Variants in AK1 observed in about 807,000 individuals in gnomAD.
AK1 encodes the protein adenylate kinase 1.
AK1 carries 13 observed loss-of-function variants against 23.9 expected under a neutral mutation model. That is an observed-to-expected ratio of 0.54 (90% CI 0.35 to 0.86). The LOEUF (loss-of-function observed/expected upper bound fraction) is 0.86. Ranked by LOEUF, AK1 falls within the 40% of genes least tolerant of loss-of-function variation. The pLI, the probability that AK1 is intolerant of heterozygous loss-of-function variation, is 0.01. For missense variants in AK1, 214 were observed against 255.1 expected (o/e 0.84, Z 1.10); for synonymous variants, 97 against 102.8 (o/e 0.94, Z 0.34).
intron 2 of AK1, 155 bp downstream of exon 2, chr9:127,874,456 C>A (rs1253104389): frequency 4.1e-6 from 4 of 985,248 alleles, no homozygotes; most frequent in African/African-American, 1.7e-5. Flanking sequence ...CCGTGAGAGG[C>A]CAGAGGAGGA....
chr9:127,871,717 G>T lies in AK1; in HGVS notation c.324+106C>A. The stretch of plus-strand genomic sequence containing the variant: ...ACCCACACTCCATGAATCAGCCTCT[G>T]CTCAGAACTCTGACCTGCATCACAG... On this transcript the variant is annotated intron_variant, in intron 5 of 6. Transcript: ENST00000644144. This position sits in a 1 kb window ranked among gnomAD's most constrained non-coding sequence, Gnocchi z 4.4. 2.2e-6 allele frequency: 2 copies of T among 901,568 alleles called. No homozygotes were observed. The highest frequency in any genetic ancestry group is 3.7e-6 in the Non-Finnish European group (2 of 539,660). The allele number at this position is 901,568 out of a possible 1,614,324, so 55.8% of individuals were successfully genotyped here. A position where few individuals can be genotyped will look rare whatever the true frequency, so the allele number is the denominator to read the frequency against.
At chr9:127,876,382 G>A (rs1382525905) in intron 1 of AK1, among the ~76,000 whole-genome samples, 2 of 152,224 alleles carry the variant, frequency 1.3e-5, no homozygotes, top group Non-Finnish European at 2.9e-5. Context: ...GGAGGAAACT[G>A]AGGCATGGGG....
chr9:127,868,142 G>A lies in AK1; in HGVS notation c.517-66C>T. On this transcript the variant is annotated intron_variant, in intron 6 of 6. Coordinates refer to ENST00000644144, the MANE Select transcript of AK1 (RefSeq NM_000476.3). The surrounding 1 kb of genome is among the most constrained non-coding windows in gnomAD (Gnocchi z 4.1). ...AGTGGGGTGGGCCTCACCATGGCAGGCCCCAGAGACCAGGCCTGCCTCCCC... is the reference window on the plus strand; with the variant it reads ...AGTGGGGTGGGCCTCACCATGGCAGACCCCAGAGACCAGGCCTGCCTCCCC... 6.3e-7 allele frequency: 1 copy of A among 1,574,816 alleles called. No individual in the cohort carries two copies. Among genetic ancestry groups the A allele is most frequent in the South Asian group, 1.1e-5 (1 of 90,116 alleles).
chr9:127,874,618 C>A lies in AK1; in HGVS notation c.-1G>T. ...AGGAGAGGAGGCTCATACCTTCCAT[C>A]CTGCCGAGGTCCCGGGAGCCGTGTC... On this transcript the variant is annotated 5_prime_UTR_variant, in exon 2 of 7. Coordinates refer to ENST00000644144, the MANE Select transcript of AK1 (RefSeq NM_000476.3). The A allele has an allele frequency of 1.9e-6, 3 of 1,613,730 alleles. No individual in the cohort carries two copies. Among genetic ancestry groups the A allele is most frequent in the Non-Finnish European group, 2.5e-6 (3 of 1,179,978 alleles).
At position 127,868,210 on chromosome 9, in the gene AK1, G is replaced by A; in HGVS notation, c.516+111C>T. 1.4e-6 allele frequency: 2 copies of A among 1,447,484 alleles called. No homozygotes were observed. The highest frequency in any genetic ancestry group is 1.9e-6 in the Non-Finnish European group (2 of 1,051,154). The allele number at this position is 1,447,484 out of a possible 1,614,324, so 89.7% of individuals were successfully genotyped here. ...CAGCAGCCCCTCATTGAACCAGTGGGGAAACCAAGGCCCAGAGAGAGGGGC... is the reference window on the plus strand; with the variant it reads ...CAGCAGCCCCTCATTGAACCAGTGGAGAAACCAAGGCCCAGAGAGAGGGGC... On this transcript the variant is annotated intron_variant, in intron 6 of 6. Coordinates refer to ENST00000644144, the MANE Select transcript of AK1 (RefSeq NM_000476.3). The surrounding 1 kb of genome is among the most constrained non-coding windows in gnomAD (Gnocchi z 4.1).
At chr9:127,870,556 C>T (rs968556265) in intron 5 of AK1, among the ~76,000 whole-genome samples, 2 of 152,140 alleles carry the variant, frequency 1.3e-5, no homozygotes, top group African/African-American at 4.8e-5. Flanking sequence ...TGGTACCACA[C>T]AGCTGGTATG....
In AK1 at chr9:127,868,521, G is replaced by A. The variant is rs145431113; in HGVS notation, c.325-9C>T. 2.2e-3 allele frequency: 3,467 copies of A among 1,570,652 alleles called. 11 individuals are homozygous for A. Among genetic ancestry groups the A allele is most frequent in the Middle Eastern group, 3.9e-3 (20 of 5,138 alleles). On this transcript the variant is annotated splice_polypyrimidine_tract_variant and intron_variant, in intron 5 of 6. Coordinates refer to ENST00000644144, the MANE Select transcript of AK1 (RefSeq NM_000476.3). The surrounding 1 kb of genome is among the most constrained non-coding windows in gnomAD (Gnocchi z 4.1). ...AGTGTGGGCTGTCCAATCTGCAGGC[G>A]GGCACCATGTCACAGGGACCCCATT...
In AK1 at chr9:127,871,381, C is replaced by T. The variant is rs1290533975; in HGVS notation, c.324+442G>A. Among the ~76,000 whole-genome samples the T allele has an allele frequency of 6.6e-6, 1 of 151,492 alleles. No individual in the cohort carries two copies. Among genetic ancestry groups the T allele is most frequent in the South Asian group, 2.1e-4 (1 of 4,830 alleles). On this transcript the variant is annotated intron_variant, in intron 5 of 6. Coordinates refer to ENST00000644144, the MANE Select transcript of AK1 (RefSeq NM_000476.3). This position sits in a 1 kb window ranked among gnomAD's most constrained non-coding sequence, Gnocchi z 4.4. ...ACATATTCTGTTCTCCCCACACTGG[C>T]CTTGCCTTTCCAGCCCTGCCAGTGC...
In AK1 at chr9:127,868,633, G is replaced by T; in HGVS notation, c.325-121C>A. 1 of 1,212,818 alleles carries T rather than the reference G, an allele frequency of 8.2e-7. No individual in the cohort carries two copies. The highest frequency in any genetic ancestry group is 1.2e-6 in the Non-Finnish European group (1 of 856,608). 75.1% of individuals were successfully genotyped at this position (1,212,818 alleles called of 1,614,324 possible). A position where few individuals can be genotyped will look rare whatever the true frequency, so the allele number is the denominator to read the frequency against. ...CTCAGACCTTCAATCCCTTCCCCAA[G>T]GCAGCCTGAAAGACCTTCCTAAAAC... On this transcript the variant is annotated intron_variant, in intron 5 of 6. Coordinates refer to ENST00000644144, the MANE Select transcript of AK1 (RefSeq NM_000476.3). The surrounding 1 kb of genome is among the most constrained non-coding windows in gnomAD (Gnocchi z 4.1).
chr9:127,868,308 C>T lies in AK1; in HGVS notation c.516+13G>A, dbSNP rs558979180. On this transcript the variant is annotated intron_variant, in intron 6 of 6. Transcript: ENST00000644144. This position sits in a 1 kb window ranked among gnomAD's most constrained non-coding sequence, Gnocchi z 4.1. Reference sequence around the variant, plus strand: ...GTTCTTCCCGGAGCTGCCCCTGGGCCCGCGGGGCCCACCTTGCGCACAATG... The same window carrying T: ...GTTCTTCCCGGAGCTGCCCCTGGGCTCGCGGGGCCCACCTTGCGCACAATG... 6.4e-7 allele frequency: 1 copy of T among 1,564,490 alleles called. No individual in the cohort carries two copies. Among genetic ancestry groups the T allele is most frequent in the Non-Finnish European group, 8.7e-7 (1 of 1,154,506 alleles).
chr9:127,870,322 C>T (rs1281175855), intron 5 of AK1, among the ~76,000 whole-genome samples: 1 of 151,436 alleles, frequency 6.6e-6, no homozygotes, highest in African/African-American at 2.4e-5. Context: ...CGTGTCTCAG[C>T]CTCCTGAGTA....
intron 1 of AK1, among the ~76,000 whole-genome samples, chr9:127,875,249 C>T (rs1216929855): frequency 6.6e-6 from 1 of 152,006 alleles, no homozygotes; most frequent in African/African-American, 2.4e-5. Flanking sequence ...CCTCTACAGG[C>T]CCAACAACCA....
rs1829265683 is a variant in AK1, at chr9:127,867,084, C to T, written c.*924G>A. On this transcript the variant is annotated 3_prime_UTR_variant, in exon 7 of 7. Coordinates refer to ENST00000644144, the MANE Select transcript of AK1 (RefSeq NM_000476.3). ...GGAGTGCAGTGGCGCAATCTTGGCT[C>T]ATTGCAAGCTCCACCTCCCGGGTTC... 1 of 146,642 alleles carries T rather than the reference C, an allele frequency of 6.8e-6. No homozygotes were observed. The highest frequency in any genetic ancestry group is 1.5e-5 in the Non-Finnish European group (1 of 67,426). The allele number at this position is 146,642 out of a possible 1,614,324, so 9.1% of individuals were successfully genotyped here.
chr9:127,873,490 C>T (rs1829467547), intron 2 of AK1: 2 of 1,459,686 alleles, frequency 1.4e-6, no homozygotes, highest in Non-Finnish European at 1.8e-6. Flanking sequence ...TGCCCTTCCC[C>T]TCTCAGGCCC....
chr9:127,871,853 C>T lies in AK1; in HGVS notation c.294G>A (p.Glu98=). The change falls in exon 5 of 7, where the codon GAG becomes GAA. Residue 98 remains glutamate, a synonymous_variant. Transcript: ENST00000644144. This position sits in a 1 kb window ranked among gnomAD's most constrained non-coding sequence, Gnocchi z 4.4. The part of the protein sequence containing the change: ...KGFLIDGYPR[E]VQQGEEFERR... Reference sequence around the variant, plus strand: ...GCTCAAACTCTTCTCCTTGCTGCACCTCCCGCGGGTAGCCATCAATCAGGA... The same window carrying T: ...GCTCAAACTCTTCTCCTTGCTGCACTTCCCGCGGGTAGCCATCAATCAGGA... 1 of 1,614,144 alleles carries T rather than the reference C, an allele frequency of 6.2e-7. No homozygotes were observed.
At chr9:127,873,484 C>T in intron 2 of AK1, 16 of 1,466,940 alleles carry the variant, frequency 1.1e-5, no homozygotes, top group Non-Finnish European at 1.4e-5. Flanking sequence ...GCACCCTGCC[C>T]TTCCCCTCTC....
chr9:127,879,360 C>T (rs1331073560), upstream of AK1, among the ~76,000 whole-genome samples: 1 of 152,032 alleles, frequency 6.6e-6, no homozygotes, highest in African/African-American at 2.4e-5. Context: ...CGCGGTGGCT[C>T]ACACCTGTAA....
intron 1 of AK1, 172 bp from the exon 2 acceptor site, chr9:127,874,821 C>T (rs1010526946): frequency 3.1e-6 from 2 of 646,182 alleles, no homozygotes; most frequent in Non-Finnish European, 5.4e-6. Flanking sequence ...AGAAAGCCAC[C>T]TTGGGAAAGT....
Position 127,871,923 on chromosome 9 carries a change from A to T in AK1, c.224T>A (p.Met75Lys). The change falls in exon 5 of 7, where the codon ATG becomes AAG. Residue 75 changes from methionine (M) to lysine (K), a missense_variant. Met to Lys is a moderately conservative substitution (Grantham distance 95). Transcript: ENST00000644144. The surrounding 1 kb of genome is among the most constrained non-coding windows in gnomAD (Gnocchi z 4.4). ...TTTGGCCACCATGGCATCCCGGAGC[A>T]TGTCCAACACTGTCTCCTGGGGCAC... is the stretch of plus-strand genomic sequence containing the variant. ...QLVPLETVLD[M>K]LRDAMVAKVN... 6.2e-7 allele frequency: 1 copy of T among 1,614,010 alleles called. No individual in the cohort carries two copies. Among genetic ancestry groups the T allele is most frequent in the Non-Finnish European group, 8.5e-7 (1 of 1,179,990 alleles).
Sources: gnomAD v4.1 joint callset for allele counts (sites outside exome capture counted in the v4.1 genomes callset) on GRCh38, gnomAD v4.1.1 for gene constraint, Gnocchi (gnomAD v3.1) non-coding constraint, MANE v1.5 for transcripts, NCBI Gene and HGNC (gene_info 2026-07-23, HGNC 2026-07-21) for gene names.